Variants in TFEB observed in about 807,000 individuals in gnomAD.
TFEB encodes the protein transcription factor EB.
Under a neutral mutation model 48.0 loss-of-function variants are expected in TFEB, and 12 were observed. That is an observed-to-expected ratio of 0.25 (90% CI 0.16 to 0.40). The LOEUF is 0.40. TFEB is among the 10% of genes least tolerant of loss of function. The pLI is 1.00. For synonymous variants in TFEB, 244 were observed against 261.4 expected, an observed-to-expected ratio of 0.93 and a Z score of 0.64; for missense variants, 509 against 640.3, an observed-to-expected ratio of 0.79 and a Z score of 2.21.
intron 1 of TFEB, among the ~76,000 whole-genome samples, chr6:41,708,431 G>C (rs1467253333): frequency 6.6e-6 from 1 of 152,192 alleles, no homozygotes; most frequent in East Asian, 1.9e-4. Flanking sequence ...ACCTGAATTG[G>C]TGCCTGAACC....
intron 1 of TFEB, chr6:41,705,909 G>C (rs1332711935): frequency 6.6e-6 from 1 of 152,218 alleles, no homozygotes; most frequent in African/African-American, 2.4e-5. Flanking sequence ...GCCGGGAGAG[G>C]CTCCCACCTG....
At chr6:41,700,570 A>C (rs1561858592) in intron 1 of TFEB, among the ~76,000 whole-genome samples, 1 of 152,096 alleles carries the variant, frequency 6.6e-6, no homozygotes, top group Non-Finnish European at 1.5e-5. Flanking sequence ...GCAGCAGAGC[A>C]AGACCCCAGG....
chr6:41,717,920 C>T (rs1770806887), intron 1 of TFEB, among the ~76,000 whole-genome samples: 1 of 152,152 alleles, frequency 6.6e-6, no homozygotes, highest in Non-Finnish European at 1.5e-5. Context: ...GGGCTTTAAA[C>T]ACCAGGCCTT....
At chr6:41,715,433 G>A (rs1246255000) in intron 1 of TFEB, among the ~76,000 whole-genome samples, 2 of 152,150 alleles carry the variant, frequency 1.3e-5, no homozygotes, top group East Asian at 3.9e-4. Context: ...ACTTTGGGAG[G>A]CTGAGGCGGG....
At chr6:41,697,831 TGACAAAATGTAGGATGTAGG>T (rs774933097) in intron 1 of TFEB, among the ~76,000 whole-genome samples, 12 of 152,154 alleles carry the variant, frequency 7.9e-5, no homozygotes, top group Non-Finnish European at 1.8e-4. Flanking sequence ...ATATGTCAGG[TGACAAAATGTAGGATGTAGG>T]GGGAAATTGT....
rs532222377 is a variant in TFEB, at chr6:41,694,323, A to G, written c.-22-3088T>C. Among the ~76,000 whole-genome samples the G allele has an allele frequency of 4.6e-5, 7 of 152,250 alleles. No homozygotes were observed. The South Asian group carries it at 1.5e-3, about 32-fold the overall frequency. On this transcript the variant is annotated intron_variant, in intron 1 of 8. Coordinates refer to ENST00000373033, the MANE Select transcript of TFEB (RefSeq NM_001271944.2). ...GGGAGAGGACGTTGGAGAAGTGGAC[A>G]CAGTGAGGTGTCTGTGCATCAGTGG... is the stretch of plus-strand genomic sequence containing the variant.
Position 41,723,694 on chromosome 6 carries a change from A to G in TFEB, c.-23+11656T>C, listed in dbSNP as rs1771086306. 1 of 449,376 alleles carries G rather than the reference A, an allele frequency of 2.2e-6. No homozygotes were observed. The highest frequency in any genetic ancestry group is 2.0e-5 in the South Asian group (1 of 50,872). 27.8% of individuals were successfully genotyped at this position (449,376 alleles called of 1,614,324 possible). ...ACAGCACAGAGGGAACTGCGCCCCG[A>G]CGGCACAGTCCCACACCGCAGCCTA... On this transcript the variant is annotated intron_variant, in intron 1 of 8. Coordinates refer to ENST00000373033, the MANE Select transcript of TFEB (RefSeq NM_001271944.2). The surrounding 1 kb of genome is among the most constrained non-coding windows in gnomAD (Gnocchi z 6.0).
chr6:41,691,314 A>G lies in TFEB; in HGVS notation c.-22-79T>C. On this transcript the variant is annotated intron_variant, in intron 1 of 8. Coordinates refer to ENST00000373033, the MANE Select transcript of TFEB (RefSeq NM_001271944.2). The surrounding 1 kb of genome is among the most constrained non-coding windows in gnomAD (Gnocchi z 5.2). ...CAGGGGCTGGCAGGGGGAGGCCAGA[A>G]TGACTGGGACCGCATCCATTTTAGA... 1 of 1,395,386 alleles carries G rather than the reference A, an allele frequency of 7.2e-7. No homozygotes were observed. Among genetic ancestry groups the G allele is most frequent in the Non-Finnish European group, 9.9e-7 (1 of 1,005,316 alleles). 86.4% of individuals were successfully genotyped at this position (1,395,386 alleles called of 1,614,324 possible).
intron 1 of TFEB, chr6:41,732,788 G>A: frequency 1.0e-6 from 1 of 985,886 alleles, no homozygotes; most frequent in Non-Finnish European, 1.2e-6. Flanking sequence ...AACATTTCTG[G>A]CAGCTCTGGG....
chr6:41,695,696 G>A (rs1186723350), intron 1 of TFEB, among the ~76,000 whole-genome samples: 1 of 152,196 alleles, frequency 6.6e-6, no homozygotes, highest in Admixed American at 6.5e-5. Flanking sequence ...GGAGGGGAGT[G>A]GGAAGGGGCA....
At chr6:41,693,716 T>A (rs543676490) in intron 1 of TFEB, among the ~76,000 whole-genome samples, 105 of 152,016 alleles carry the variant, frequency 6.9e-4, no homozygotes, top group African/African-American at 2.4e-3. Context: ...CTGTCTCAGC[T>A]CCTTGGGTCT....
intron 3 of TFEB, 32 bp from the exon 4 acceptor site, chr6:41,689,843 C>T (rs1769203494): frequency 6.3e-7 from 1 of 1,589,072 alleles, no homozygotes; most frequent in African/African-American, 1.3e-5. Context: ...CTGGGGAGGG[C>T]CCACCACGAG....
chr6:41,732,936 G>C, intron 1 of TFEB: 7 of 985,498 alleles, frequency 7.1e-6, no homozygotes, highest in Non-Finnish European at 8.4e-6. Flanking sequence ...TTTCATGACA[G>C]CTGTGGTTGG....
chr6:41,709,411 C>A (rs62396728), intron 1 of TFEB, among the ~76,000 whole-genome samples: 18,687 of 152,174 alleles, frequency 0.12, 1,281 homozygotes, highest in East Asian at 0.21. Context: ...CAGTACCTGG[C>A]ACAGGATAGG....
chr6:41,715,657 G>A (rs71558766), intron 1 of TFEB, among the ~76,000 whole-genome samples: 10,566 of 150,736 alleles, frequency 0.07, 534 homozygotes, highest in Admixed American at 0.15. Flanking sequence ...GCGACAGAGC[G>A]AGAATCTGTC....
intron 3 of TFEB, among the ~76,000 whole-genome samples, 153 bp from the exon 4 acceptor site, chr6:41,689,964 T>A (rs76810604): frequency 0.036 from 5,548 of 152,116 alleles, 140 homozygotes; most frequent in East Asian, 0.091. Flanking sequence ...AGAGAAGAGA[T>A]GAGCTGTCCA....
intron 1 of TFEB, chr6:41,733,923 G>A (rs1245930618): frequency 1.0e-6 from 1 of 981,346 alleles, no homozygotes; most frequent in East Asian, 1.1e-4. Context: ...GCCAGGTCTG[G>A]GCCAATGGAA....
At chr6:41,688,256 A>G (rs1342090330) in intron 4 of TFEB, 3 of 504,146 alleles carry the variant, frequency 6.0e-6, no homozygotes, top group Non-Finnish European at 1.0e-5. Context: ...TGTCTGAGAG[A>G]GTGATCCAAC....
intron 1 of TFEB, among the ~76,000 whole-genome samples, chr6:41,722,907 G>A (rs972113240): frequency 6.6e-6 from 1 of 152,138 alleles, no homozygotes; most frequent in Non-Finnish European, 1.5e-5. Flanking sequence ...CTCACAAGGT[G>A]GGCACTATAA....
Sources: gnomAD v4.1 joint callset for allele counts (sites outside exome capture counted in the v4.1 genomes callset) on GRCh38, gnomAD v4.1.1 for gene constraint, Gnocchi (gnomAD v3.1) non-coding constraint, MANE v1.5 for transcripts, NCBI Gene and HGNC (gene_info 2026-07-23, HGNC 2026-07-21) for gene names.